NCKAP5: variants seen among roughly 807,000 people sequenced by gnomAD.
NCKAP5 encodes NCK associated protein 5.
Under a neutral mutation model 167.0 loss-of-function variants are expected in NCKAP5, and 92 were observed. The ratio of observed to expected loss-of-function variants is 0.55; its 90% CI spans 0.47 to 0.66. NCKAP5 has a LOEUF of 0.66. NCKAP5 is among the 30% of genes least tolerant of loss of function. The pLI is 0.00. For synonymous variants in NCKAP5, 891 were observed against 877.4 expected (o/e 1.02, Z -0.27); for missense variants, 2,378 against 2,315.0 (o/e 1.03, Z -0.56).
At chr2:132,738,064 T>C (rs1485521259) in intron 16 of NCKAP5, among the ~76,000 whole-genome samples, 1 of 152,236 alleles carries the variant, frequency 6.6e-6, no homozygotes, top group Non-Finnish European at 1.5e-5. Flanking sequence ...GATGTGAACC[T>C]CTTCTTGTGA....
chr2:133,459,071 C>T (rs1692033739), intron 3 of NCKAP5, among the ~76,000 whole-genome samples: 1 of 152,098 alleles, frequency 6.6e-6, no homozygotes, highest in Non-Finnish European at 1.5e-5. Context: ...GTTCTGTGTT[C>T]TTTTCTCTCT....
At chr2:133,292,331 C>T (rs905678403) in intron 4 of NCKAP5, among the ~76,000 whole-genome samples, 7 of 150,966 alleles carry the variant, frequency 4.6e-5, no homozygotes, top group Admixed American at 2.0e-4. Context: ...GGCACTTTGT[C>T]GCTTCTTACT....
chr2:132,842,339 A>G lies in NCKAP5; in HGVS notation c.807+18153T>C, dbSNP rs536342421. Among the ~76,000 whole-genome samples, 7 of 152,126 alleles carry G rather than the reference A, an allele frequency of 4.6e-5. No individual in the cohort carries two copies. In the East Asian group the frequency reaches 1.4e-3, roughly 29 times the overall value. ...TATTAGTCAAATGAGAGATTTGACT[A>G]TTTTTATTGGTATTTTAATAAACTT... On this transcript the variant is annotated intron_variant, in intron 11 of 19. Coordinates refer to ENST00000409261, the MANE Select transcript of NCKAP5 (RefSeq NM_207363.3).
intron 4 of NCKAP5, among the ~76,000 whole-genome samples, chr2:133,244,041 C>T (rs373073506): frequency 6.6e-6 from 1 of 152,204 alleles, no homozygotes; most frequent in Non-Finnish European, 1.5e-5. Flanking sequence ...TAGGGTCTGA[C>T]TGTTTTTCTG....
chr2:132,938,650 C>T (rs183647337), intron 8 of NCKAP5, among the ~76,000 whole-genome samples: 20 of 152,292 alleles, frequency 1.3e-4, no homozygotes, highest in African/African-American at 4.3e-4. Context: ...TGGCCAAATG[C>T]TTCTTTTGTA....
At chr2:133,308,361 T>G (rs2150596315) in intron 3 of NCKAP5, among the ~76,000 whole-genome samples, 1 of 152,234 alleles carries the variant, frequency 6.6e-6, no homozygotes, top group South Asian at 2.1e-4. Flanking sequence ...GTGCTGGGAT[T>G]ACAGGCGTGA....
intron 5 of NCKAP5, among the ~76,000 whole-genome samples, chr2:133,199,948 C>A (rs11688711): frequency 0.51 from 76,787 of 151,120 alleles, 19,763 homozygotes; most frequent in African/African-American, 0.53. Context: ...TTAAGACACA[C>A]AAAAAAGCAT....
intron 4 of NCKAP5, among the ~76,000 whole-genome samples, chr2:133,220,686 A>G (rs376854541): frequency 1.2e-4 from 19 of 152,308 alleles, no homozygotes; most frequent in African/African-American, 4.6e-4. Flanking sequence ...GCATGTTTAA[A>G]AAAAAAGCAT....
At chr2:133,158,209 G>A (rs1469834651) in intron 5 of NCKAP5, among the ~76,000 whole-genome samples, 1 of 152,158 alleles carries the variant, frequency 6.6e-6, no homozygotes, top group Non-Finnish European at 1.5e-5. Flanking sequence ...CAAGTGCTGA[G>A]TATATTTGCT....
intron 19 of NCKAP5, among the ~76,000 whole-genome samples, chr2:132,699,210 G>C (rs1370537690): frequency 6.6e-6 from 1 of 152,218 alleles, no homozygotes; most frequent in Non-Finnish European, 1.5e-5. Flanking sequence ...GATGATAGTA[G>C]ACAGTGATAT....
chr2:132,734,803 A>G (rs1228903049), intron 16 of NCKAP5, among the ~76,000 whole-genome samples: 1 of 152,236 alleles, frequency 6.6e-6, no homozygotes, highest in East Asian at 1.9e-4. Flanking sequence ...CCTAACTACA[A>G]AGACAATGCT....
intron 4 of NCKAP5, among the ~76,000 whole-genome samples, chr2:133,246,464 C>A: frequency 6.6e-6 from 1 of 152,110 alleles, no homozygotes; most frequent in East Asian, 1.9e-4. Context: ...GCAGAAAACA[C>A]CACAGTGCCC....
At chr2:132,796,509 A>T in intron 12 of NCKAP5, 119 bp downstream of exon 12, 1 of 594,230 alleles carries the variant, frequency 1.7e-6, no homozygotes, top group Non-Finnish European at 3.0e-6. Context: ...AAAGGAAGGT[A>T]TTTTTATCTG....
At chr2:133,249,289 A>G (rs2088175714) in intron 4 of NCKAP5, among the ~76,000 whole-genome samples, 1 of 152,174 alleles carries the variant, frequency 6.6e-6, no homozygotes, top group South Asian at 2.1e-4. Context: ...AAAGAGTCAA[A>G]GCTTCAGAAA....
intron 6 of NCKAP5, among the ~76,000 whole-genome samples, chr2:133,120,151 T>C (rs573084193): frequency 2.0e-5 from 3 of 152,296 alleles, no homozygotes; most frequent in Non-Finnish European, 2.9e-5. Context: ...AAACCTTTGG[T>C]CAGGAGAAAT....
chr2:133,244,731 T>C (rs933042355), intron 4 of NCKAP5, among the ~76,000 whole-genome samples: 13 of 152,168 alleles, frequency 8.5e-5, no homozygotes, highest in Non-Finnish European at 1.6e-4. Flanking sequence ...GTCTTCTCAC[T>C]ATATGATTAT....
intron 5 of NCKAP5, among the ~76,000 whole-genome samples, chr2:133,187,676 A>T (rs2150062681): frequency 6.6e-6 from 1 of 152,234 alleles, no homozygotes; most frequent in East Asian, 1.9e-4. Flanking sequence ...AAAGATGTCA[A>T]TTTTCCCAAA....
At chr2:133,552,321 A>G (rs1304284620) in intron 2 of NCKAP5, among the ~76,000 whole-genome samples, 1 of 114,136 alleles carries the variant, frequency 8.8e-6, no homozygotes, top group African/African-American at 3.5e-5. Context: ...CATTATTCAC[A>G]ATAGCAAAGA....
chr2:132,697,016 T>C (rs1038699547), intron 19 of NCKAP5, among the ~76,000 whole-genome samples: 5 of 140,024 alleles, frequency 3.6e-5, no homozygotes, highest in African/African-American at 8.2e-5. Context: ...GCCTCCCAAA[T>C]AGTTGGGACT....
Sources: gnomAD v4.1 joint callset for allele counts (sites outside exome capture counted in the v4.1 genomes callset) on GRCh38, gnomAD v4.1.1 for gene constraint, MANE v1.5 for transcripts, NCBI Gene and HGNC (gene_info 2026-07-23, HGNC 2026-07-21) for gene names.